Variants in KHDRBS2 observed in about 807,000 individuals in gnomAD.
KHDRBS2 encodes the protein KH RNA binding domain containing, signal transduction associated 2, also known as KH domain-containing, RNA-binding, signal transduction-associated protein 2.
In KHDRBS2, 26 loss-of-function variants were observed where a neutral mutation model predicts 44.3. The observed-to-expected ratio is 0.59, with a 90% confidence interval of 0.43 to 0.81. The LOEUF is 0.81. Among genes scored for constraint, KHDRBS2 ranks in the 40% least tolerant of loss-of-function variants. The pLI, the probability that KHDRBS2 is intolerant of heterozygous loss-of-function variation, is 0.00. For missense variants in KHDRBS2, 476 were observed against 433.1 expected (o/e 1.10, Z -0.88); for synonymous variants, 194 against 151.1 (o/e 1.28, Z -2.08).
chr6:61,568,481 C>A, the KHDRBS2 span, among the ~76,000 whole-genome samples: 126 of 152,110 alleles, frequency 8.3e-4, no homozygotes, highest in African/African-American at 3.0e-3. Context: ...ACAGTATGAA[C>A]TTTTGTCCAA....
chr6:61,603,027 C>T, the KHDRBS2 span, among the ~76,000 whole-genome samples: 2 of 152,092 alleles, frequency 1.3e-5, no homozygotes, highest in African/African-American at 4.8e-5. Context: ...TCCTCCTTGG[C>T]AACAGATGAT....
intron 4 of KHDRBS2, among the ~76,000 whole-genome samples, chr6:61,960,476 C>A (rs1472696877): frequency 6.6e-6 from 1 of 151,964 alleles, no homozygotes; most frequent in African/African-American, 2.4e-5. Flanking sequence ...TATTAACTAT[C>A]ACAATTATGT....
chr6:61,691,062 T>C (rs1444426775), intron 8 of KHDRBS2, among the ~76,000 whole-genome samples: 2 of 152,068 alleles, frequency 1.3e-5, no homozygotes, highest in African/African-American at 4.8e-5. Flanking sequence ...AGATCCAGTC[T>C]GGTATGGAAG....
At chr6:61,848,037 C>A (rs1474573725) in intron 6 of KHDRBS2, among the ~76,000 whole-genome samples, 4 of 151,984 alleles carry the variant, frequency 2.6e-5, no homozygotes, top group Non-Finnish European at 5.9e-5. Context: ...TGGCAGCACA[C>A]TCTTAATAAT....
chr6:61,947,587 G>C (rs1351900173), intron 4 of KHDRBS2, among the ~76,000 whole-genome samples: 1 of 152,058 alleles, frequency 6.6e-6, no homozygotes, highest in Non-Finnish European at 1.5e-5. Context: ...CAGAGGAATT[G>C]AAAATTTTAT....
At chr6:61,938,859 G>A (rs569482764) in intron 4 of KHDRBS2, among the ~76,000 whole-genome samples, 288 of 152,174 alleles carry the variant, frequency 1.9e-3, no homozygotes, top group Non-Finnish European at 3.5e-3. Context: ...CTGGCTGGCA[G>A]TGCAAATATA....
the KHDRBS2 span, among the ~76,000 whole-genome samples, chr6:61,607,519 G>GGAAAAAAA: frequency 4.3e-5 from 1 of 23,322 alleles, no homozygotes; most frequent in Non-Finnish European, 7.6e-5. Flanking sequence ...TGAGTTCCAA[G>GGAAAAAAA]CAAAAAAAAA....
At chr6:61,578,955 TG>T in the KHDRBS2 span, among the ~76,000 whole-genome samples, 3 of 152,154 alleles carry the variant, frequency 2.0e-5, no homozygotes, top group African/African-American at 7.2e-5. Flanking sequence ...GGAGGAAGTT[TG>T]GTAATAGTTT....
intron 3 of KHDRBS2, among the ~76,000 whole-genome samples, chr6:61,993,545 G>A (rs1176438297): frequency 1.3e-5 from 2 of 150,734 alleles, no homozygotes; most frequent in South Asian, 4.2e-4. Flanking sequence ...TCAAAAGCCA[G>A]CTTGCCTACA....
rs555233800 is a variant in KHDRBS2, at chr6:61,997,180, T to A, written c.337-18968A>T. On this transcript the variant is annotated intron_variant, in intron 3 of 8. Transcript: ENST00000281156. ...ACCATCCTGGACTCTCTAATTCTGA[T>A]AAATTCTAGATTGTTAATATTCTTC... Among the ~76,000 whole-genome samples, 20 of 152,334 alleles carry A rather than the reference T, an allele frequency of 1.3e-4. No homozygotes were observed. The South Asian group carries it at 3.3e-3, about 25-fold the overall frequency.
chr6:61,916,965 A>ATTTTTTTTTTTTT (rs10700035), intron 4 of KHDRBS2, among the ~76,000 whole-genome samples: 22 of 90,634 alleles, frequency 2.4e-4, no homozygotes, highest in African/African-American at 6.0e-4. Context: ...GGAACTCTGT[A>ATTTTTTTTTTTTT]TTTTTTTTTT....
chr6:61,616,157 A>T, the KHDRBS2 span, among the ~76,000 whole-genome samples: 2 of 152,210 alleles, frequency 1.3e-5, 1 homozygote. Flanking sequence ...AACTAGCAGC[A>T]TCATTGAATG....
intron 4 of KHDRBS2, among the ~76,000 whole-genome samples, chr6:61,905,649 CT>C (rs1244892909): frequency 1.3e-5 from 2 of 152,020 alleles, no homozygotes; most frequent in Non-Finnish European, 1.5e-5. Context: ...AGAGACAGAA[CT>C]TTTCTAATCA....
chr6:61,810,987 G>T (rs916312244), intron 6 of KHDRBS2, among the ~76,000 whole-genome samples: 6 of 151,890 alleles, frequency 4.0e-5, no homozygotes, highest in Non-Finnish European at 5.9e-5. Flanking sequence ...ATTCAGGGAG[G>T]TACATACTCA....
chr6:61,698,789 C>T (rs10080988), intron 7 of KHDRBS2, among the ~76,000 whole-genome samples: 8,366 of 152,086 alleles, frequency 0.055, 368 homozygotes, highest in African/African-American at 0.11. Flanking sequence ...AAACACATTA[C>T]TGCCTCAGGG....
At chr6:62,146,076 G>A (rs1813871093) in intron 2 of KHDRBS2, among the ~76,000 whole-genome samples, 1 of 151,750 alleles carries the variant, frequency 6.6e-6, no homozygotes, top group Non-Finnish European at 1.5e-5. Context: ...TGAGACCACT[G>A]TCTGTTTTGA....
At chr6:62,068,418 C>G (rs1159769897) in intron 2 of KHDRBS2, among the ~76,000 whole-genome samples, 2 of 151,410 alleles carry the variant, frequency 1.3e-5, no homozygotes, top group Non-Finnish European at 3.0e-5. Flanking sequence ...AGACCCTTAT[C>G]AGATACATGA....
At chr6:61,660,687 G>A in the KHDRBS2 span, among the ~76,000 whole-genome samples, 1 of 151,676 alleles carries the variant, frequency 6.6e-6, no homozygotes, top group Non-Finnish European at 1.5e-5. Context: ...ACTGGGTTCT[G>A]TTCTACCCTA....
chr6:61,789,228 C>T (rs1784265697), intron 6 of KHDRBS2, among the ~76,000 whole-genome samples: 1 of 151,286 alleles, frequency 6.6e-6, no homozygotes, highest in East Asian at 1.9e-4. Flanking sequence ...ATTAGCAGAG[C>T]AGCATTTAAT....
Sources: gnomAD v4.1 joint callset for allele counts (sites outside exome capture counted in the v4.1 genomes callset) on GRCh38, gnomAD v4.1.1 for gene constraint, MANE v1.5 for transcripts, NCBI Gene and HGNC (gene_info 2026-07-23, HGNC 2026-07-21) for gene names.